Variants in ADARB2 observed in about 807,000 individuals in gnomAD.
The protein encoded by ADARB2 is inactive double-stranded RNA-specific editase B2.
Under a neutral mutation model 62.2 loss-of-function variants are expected in ADARB2, and 25 were observed. That is an observed-to-expected ratio of 0.40 (90% CI 0.29 to 0.56). The LOEUF is 0.56. Ranked by LOEUF, ADARB2 falls within the 20% of genes least tolerant of loss-of-function variation. The pLI, the probability that ADARB2 is intolerant of heterozygous loss-of-function variation, is 0.43. For missense variants in ADARB2, 1,071 were observed against 1,077.4 expected (o/e 0.99, Z 0.08); for synonymous variants, 572 against 500.8 (o/e 1.14, Z -1.90).
rs144139919 is a variant in ADARB2 at position 1,699,013 on chromosome 10, G to A, written c.100+38038C>T. Among the ~76,000 whole-genome samples, 330 of 152,268 alleles carry A rather than the reference G, an allele frequency of 2.2e-3. 3 individuals are homozygous for A. The highest frequency in any genetic ancestry group is 7.6e-3 in the African/African-American group (314 of 41,556). On this transcript the variant is annotated intron_variant, in intron 1 of 9. Transcript: ENST00000381312. Reference sequence around the variant, plus strand: ...TGACCTCAACTTATACATCCACCTCGGCCTCCCGAAGTGCTGGGATTACAG... The same window carrying A: ...TGACCTCAACTTATACATCCACCTCAGCCTCCCGAAGTGCTGGGATTACAG...
At position 1,484,139 on chromosome 10, in the gene ADARB2, T is replaced by C. The variant is rs555168962; in HGVS notation, c.101-104979A>G. Among the ~76,000 whole-genome samples the C allele has an allele frequency of 5.1e-4, 77 of 152,346 alleles. No individual in the cohort carries two copies. In the South Asian group the frequency reaches 0.013, roughly 26 times the overall value. ...AATTTCCTGCTAGCTTCAGTCAAGA[T>C]ACATTAATCCTCTCGATATTTCCCA... On this transcript the variant is annotated intron_variant, in intron 1 of 9. Transcript: ENST00000381312.
intron 1 of ADARB2, among the ~76,000 whole-genome samples, chr10:1,548,832 G>T (rs2131975899): frequency 6.6e-6 from 1 of 152,342 alleles, no homozygotes; most frequent in African/African-American, 2.4e-5. Flanking sequence ...AGGAACCTGG[G>T]AAGAGTTATT....
At chr10:1,504,893 T>C (rs1352965711) in intron 1 of ADARB2, among the ~76,000 whole-genome samples, 1 of 152,112 alleles carries the variant, frequency 6.6e-6, no homozygotes, top group Non-Finnish European at 1.5e-5. Flanking sequence ...ACCCAGGTTC[T>C]AGGAATGCAA....
intron 5 of ADARB2, among the ~76,000 whole-genome samples, chr10:1,235,331 T>G (rs983017221): frequency 5.9e-5 from 7 of 117,784 alleles, no homozygotes; most frequent in Admixed American, 3.6e-4. Flanking sequence ...GCGGGAGAGT[T>G]CCCAGCCTCT....
intron 1 of ADARB2, among the ~76,000 whole-genome samples, chr10:1,735,505 T>C (rs78747154): frequency 0.01 from 1,528 of 152,346 alleles, 52 homozygotes; most frequent in East Asian, 0.094. Flanking sequence ...TATTGGGAAA[T>C]GTGAACATTT....
intron 3 of ADARB2, among the ~76,000 whole-genome samples, chr10:1,274,151 C>T (rs866923863): frequency 2.0e-5 from 3 of 152,368 alleles, no homozygotes; most frequent in Non-Finnish European, 4.4e-5. Flanking sequence ...CCCGCCGGTC[C>T]GCCCCACGGC....
chr10:1,469,272 G>A (rs1275801303), intron 1 of ADARB2, among the ~76,000 whole-genome samples: 2 of 152,238 alleles, frequency 1.3e-5, no homozygotes, highest in African/African-American at 4.8e-5. Flanking sequence ...GGCTCCGGGA[G>A]GTCACGGCCT....
At chr10:1,735,240 T>C (rs1835287002) in intron 1 of ADARB2, among the ~76,000 whole-genome samples, 1 of 152,234 alleles carries the variant, frequency 6.6e-6, no homozygotes, top group African/African-American at 2.4e-5. Context: ...AACCAAGGTA[T>C]GGAAATATTT....
At chr10:1,609,177 A>G (rs1476955619) in intron 1 of ADARB2, among the ~76,000 whole-genome samples, 1 of 152,206 alleles carries the variant, frequency 6.6e-6, no homozygotes, top group East Asian at 1.9e-4. Flanking sequence ...CTCAGCTCAC[A>G]GGCGGGATGG....
chr10:1,498,766 ATGT>A (rs1401764678), intron 1 of ADARB2, among the ~76,000 whole-genome samples: 15 of 152,250 alleles, frequency 9.9e-5, no homozygotes, highest in Admixed American at 4.6e-4. Flanking sequence ...AAATCAAAAA[ATGT>A]TGTTTAGAAA....
Position 1,471,930 on chromosome 10 carries a change from C to T in ADARB2, c.101-92770G>A, listed in dbSNP as rs202005883. Among the ~76,000 whole-genome samples, 8 of 152,256 alleles carry T rather than the reference C, an allele frequency of 5.3e-5. No homozygotes were observed. In the East Asian group the frequency reaches 5.8e-4, roughly 11 times the overall value. On this transcript the variant is annotated intron_variant, in intron 1 of 9. Coordinates refer to ENST00000381312, the MANE Select transcript of ADARB2 (RefSeq NM_018702.4). ...CCTATGAACAGCGGTCTCTGGGTAC[C>T]GTCATTTGACCAAAAAAGTACTTTA... is the stretch of plus-strand genomic sequence containing the variant.
intron 8 of ADARB2, among the ~76,000 whole-genome samples, chr10:1,198,926 T>G (rs1013402759): frequency 2.6e-5 from 4 of 152,152 alleles, no homozygotes; most frequent in Admixed American, 6.5e-5. Flanking sequence ...TTGTACTCCA[T>G]ATTTCCTTGT....
At chr10:1,650,511 C>T (rs553694680) in intron 1 of ADARB2, among the ~76,000 whole-genome samples, 222 of 152,134 alleles carry the variant, frequency 1.5e-3, no homozygotes, top group Non-Finnish European at 2.8e-3. Context: ...CGCAGGGAAA[C>T]GCACCTCCGC....
chr10:1,431,520 T>C (rs1017052528), intron 1 of ADARB2, among the ~76,000 whole-genome samples: 134 of 151,760 alleles, frequency 8.8e-4, no homozygotes, highest in African/African-American at 3.1e-3. Flanking sequence ...TGAAGAAAGG[T>C]CTCAAATCAA....
intron 1 of ADARB2, among the ~76,000 whole-genome samples, chr10:1,539,123 C>T (rs1371130548): frequency 3.9e-5 from 6 of 152,150 alleles, no homozygotes; most frequent in Admixed American, 2.6e-4. Context: ...AAGGCCAGAG[C>T]GGGTATAACA....
intron 1 of ADARB2, among the ~76,000 whole-genome samples, chr10:1,619,933 A>G (rs981809617): frequency 1.3e-5 from 2 of 152,196 alleles, no homozygotes; most frequent in Non-Finnish European, 2.9e-5. Context: ...AAATTAAACA[A>G]TATACTTCTA....
intron 1 of ADARB2, among the ~76,000 whole-genome samples, chr10:1,438,477 C>T (rs1482169583): frequency 4.2e-4 from 59 of 139,336 alleles, no homozygotes; most frequent in African/African-American, 1.4e-3. Context: ...GCAGGTTCTT[C>T]ACTATGGGGC....
intron 6 of ADARB2, among the ~76,000 whole-genome samples, chr10:1,225,140 T>G (rs1005590433): frequency 3.3e-5 from 5 of 152,210 alleles, no homozygotes; most frequent in Non-Finnish European, 1.5e-5. Flanking sequence ...TTAGCTCTTC[T>G]TGTTGAATTG....
At chr10:1,343,674 A>G (rs1488580198) in intron 3 of ADARB2, among the ~76,000 whole-genome samples, 5 of 152,224 alleles carry the variant, frequency 3.3e-5, no homozygotes, top group Non-Finnish European at 7.3e-5. Context: ...CATATACACC[A>G]TGGAATACTA....
Sources: gnomAD v4.1 joint callset for allele counts (sites outside exome capture counted in the v4.1 genomes callset) on GRCh38, gnomAD v4.1.1 for gene constraint, MANE v1.5 for transcripts, NCBI Gene and HGNC (gene_info 2026-07-23, HGNC 2026-07-21) for gene names.